Variants in PCDHA10 observed in about 807,000 individuals in gnomAD.
PCDHA10 encodes the protein protocadherin alpha 10, also known as protocadherin alpha-10.
In PCDHA10, 45 loss-of-function variants were observed where a neutral mutation model predicts 61.2. The observed-to-expected ratio is 0.74, with a 90% CI of 0.58 to 0.94. PCDHA10 has a LOEUF of 0.94. PCDHA10 is among the 40% of genes least tolerant of loss of function. The pLI, the probability that PCDHA10 is intolerant of heterozygous loss-of-function variation, is 0.00. For synonymous variants in PCDHA10, 602 were observed against 548.8 expected (o/e 1.10, Z -1.35); for missense variants, 1,278 against 1,236.2 (o/e 1.03, Z -0.51).
intron 3 of PCDHA10, among the ~76,000 whole-genome samples, chr5:140,991,573 G>C (rs1406319253): frequency 2.0e-5 from 3 of 152,036 alleles, no homozygotes; most frequent in Non-Finnish European, 4.4e-5. Context: ...CCAATAACAG[G>C]CTCCTTATTT....
chr5:140,881,335 C>T (rs2153378731), intron 1 of PCDHA10: 2 of 984,916 alleles, frequency 2.0e-6, no homozygotes, highest in South Asian at 4.7e-5. Context: ...ACCAGGACGC[C>T]GATTCGGGCT....
rs1308888029 is a variant in PCDHA10 at position 141,011,344 on chromosome 5, A to G, written c.*1407A>G. Reference sequence around the variant, plus strand: ...ACACCTATGATGTTACCTGAAATCAATCTCCCATATGTATGCTGTATGCTA... The same window carrying G: ...ACACCTATGATGTTACCTGAAATCAGTCTCCCATATGTATGCTGTATGCTA... On this transcript the variant is annotated 3_prime_UTR_variant, in exon 4 of 4. Coordinates refer to ENST00000307360, the MANE Select transcript of PCDHA10 (RefSeq NM_018901.4). 3 of 153,730 alleles carry G rather than the reference A, an allele frequency of 2.0e-5. No homozygotes were observed. The highest frequency in any genetic ancestry group is 2.9e-5 in the Non-Finnish European group (2 of 68,040). The allele number at this position is 153,730 out of a possible 1,614,324, so 9.5% of individuals were successfully genotyped here.
intron 1 of PCDHA10, among the ~76,000 whole-genome samples, chr5:140,900,835 C>A (rs1023887892): frequency 1.3e-5 from 2 of 152,150 alleles, no homozygotes; most frequent in African/African-American, 4.8e-5. Flanking sequence ...CAACAATGTA[C>A]AAAGTTTCCC....
intron 1 of PCDHA10, chr5:140,875,968 T>C (rs1554168125): frequency 2.5e-6 from 4 of 1,614,024 alleles, no homozygotes; most frequent in Non-Finnish European, 3.4e-6. Flanking sequence ...CGGCGTAAAC[T>C]CTCTTTTGAC....
At chr5:140,965,239 G>C (rs7722865) in intron 1 of PCDHA10, among the ~76,000 whole-genome samples, 9,112 of 152,230 alleles carry the variant, frequency 0.06, 825 homozygotes, top group African/African-American at 0.2. Context: ...CCTGGGAAGA[G>C]TGAATATTCA....
At chr5:140,911,057 TG>T (rs1554194586) in intron 1 of PCDHA10, among the ~76,000 whole-genome samples, 1 of 151,474 alleles carries the variant, frequency 6.6e-6, no homozygotes, top group Non-Finnish European at 1.5e-5. Context: ...TGGTGGGGGG[TG>T]GGTCCTGAGG....
intron 1 of PCDHA10, chr5:140,883,930 C>A: frequency 2.5e-6 from 4 of 1,613,066 alleles, no homozygotes; most frequent in Non-Finnish European, 3.4e-6. Flanking sequence ...TGCAGGTGTT[C>A]GTGCTGGACG....
At chr5:140,998,472 A>G (rs1212895520) in intron 3 of PCDHA10, among the ~76,000 whole-genome samples, 1 of 151,938 alleles carries the variant, frequency 6.6e-6, no homozygotes, top group Non-Finnish European at 1.5e-5. Context: ...TTTTCCTCCC[A>G]CTGTGCTGTA....
At chr5:140,984,547 C>T (rs1554246370) in intron 3 of PCDHA10, among the ~76,000 whole-genome samples, 2 of 152,118 alleles carry the variant, frequency 1.3e-5, no homozygotes, top group Non-Finnish European at 2.9e-5. Context: ...CTGGATAGAG[C>T]TTACATCTTC....
chr5:140,869,819 A>G, intron 1 of PCDHA10: 1 of 1,612,282 alleles, frequency 6.2e-7, no homozygotes, highest in Non-Finnish European at 8.5e-7. Context: ...AACGACAATG[A>G]TCCAGAGTTT....
chr5:140,869,392 G>T, intron 1 of PCDHA10: 1 of 1,614,164 alleles, frequency 6.2e-7, no homozygotes, highest in Non-Finnish European at 8.5e-7. Flanking sequence ...GGAGCTGTGC[G>T]GGCAGAGCGC....
intron 1 of PCDHA10, among the ~76,000 whole-genome samples, chr5:140,872,369 G>A (rs192689204): frequency 1.3e-4 from 20 of 152,274 alleles, no homozygotes; most frequent in Admixed American, 1.2e-3. Context: ...GTTCAGGCCT[G>A]TAATCCCAGC....
chr5:140,955,639 C>T (rs2095212239), intron 1 of PCDHA10, among the ~76,000 whole-genome samples: 1 of 152,088 alleles, frequency 6.6e-6, no homozygotes, highest in African/African-American at 2.4e-5. Flanking sequence ...AGTGTGAGAA[C>T]AAATTAATAC....
At chr5:140,884,530 G>A in intron 1 of PCDHA10, 1 of 1,614,062 alleles carries the variant, frequency 6.2e-7, no homozygotes, top group South Asian at 1.1e-5. Context: ...CGCAGCAGAG[G>A]CGGCCGAGGG....
chr5:140,922,275 C>T (rs782815629), intron 1 of PCDHA10, among the ~76,000 whole-genome samples: 1 of 152,052 alleles, frequency 6.6e-6, no homozygotes, highest in Non-Finnish European at 1.5e-5. Context: ...AAGATTGGAC[C>T]AAGATATGAA....
At chr5:141,007,318 A>C (rs2098314985) in intron 3 of PCDHA10, among the ~76,000 whole-genome samples, 1 of 151,736 alleles carries the variant, frequency 6.6e-6, no homozygotes, top group South Asian at 2.1e-4. Flanking sequence ...TGGGAGGCTA[A>C]AGTGGACAGA....
At chr5:140,887,524 G>A (rs2061480235) in intron 1 of PCDHA10, among the ~76,000 whole-genome samples, 2 of 152,090 alleles carry the variant, frequency 1.3e-5, no homozygotes, top group African/African-American at 4.8e-5. Flanking sequence ...TTATATATGA[G>A]TCTTCCTCTC....
chr5:140,959,303 T>C (rs1467527270), intron 1 of PCDHA10, among the ~76,000 whole-genome samples: 1 of 151,938 alleles, frequency 6.6e-6, no homozygotes, highest in African/African-American at 2.4e-5. Flanking sequence ...CTGAGCCCGG[T>C]GGTTGAAGCT....
chr5:140,969,140 T>G, intron 1 of PCDHA10: 1 of 1,613,980 alleles, frequency 6.2e-7, no homozygotes, highest in Non-Finnish European at 8.5e-7. Flanking sequence ...CAAGACCTAC[T>G]GCTACAAGGC....
Sources: allele counts gnomAD v4.1 joint callset (sites outside exome capture counted in the v4.1 genomes callset), GRCh38; gene constraint gnomAD v4.1.1; transcripts MANE v1.5; gene names NCBI Gene and HGNC (gene_info 2026-07-23, HGNC 2026-07-21).